Variants in RHBDD1 observed in about 807,000 individuals in gnomAD.
RHBDD1 encodes rhomboid-related protein 4.
Under a neutral mutation model 36.3 loss-of-function variants are expected in RHBDD1, and 38 were observed. The ratio of observed to expected loss-of-function variants is 1.05; its 90% CI spans 0.81 to 1.37. The LOEUF is 1.37. RHBDD1 is among the 40% of genes most tolerant of loss of function. The pLI is 0.00. For missense variants in RHBDD1, 393 were observed against 377.6 expected (o/e 1.04, Z -0.34); for synonymous variants, 151 against 136.5 (o/e 1.11, Z -0.74).
intron 8 of RHBDD1, among the ~76,000 whole-genome samples, chr2:226,977,478 T>G (rs1025421571): frequency 1.3e-5 from 2 of 152,202 alleles, no homozygotes; most frequent in East Asian, 3.8e-4. Flanking sequence ...TATTTTGTGT[T>G]GGAAAGGCGA....
chr2:226,854,804 A>G (rs1042620143), intron 3 of RHBDD1, among the ~76,000 whole-genome samples: 59 of 152,282 alleles, frequency 3.9e-4, no homozygotes, highest in African/African-American at 1.4e-3. Flanking sequence ...AACCATGAAT[A>G]TAGAAAGTCA....
At chr2:226,809,823 TA>T in the RHBDD1 span, among the ~76,000 whole-genome samples, 1 of 152,248 alleles carries the variant, frequency 6.6e-6, no homozygotes, top group Non-Finnish European at 1.5e-5. Context: ...AAAACTATTT[TA>T]AAAGACTAAT....
chr2:226,909,480 A>G (rs574166940), intron 7 of RHBDD1, among the ~76,000 whole-genome samples: 16 of 152,306 alleles, frequency 1.1e-4, no homozygotes, highest in African/African-American at 3.8e-4. Context: ...GGTGTTAGCC[A>G]TGGCCATTGG....
At chr2:226,960,357 C>T (rs1326935960) in intron 8 of RHBDD1, among the ~76,000 whole-genome samples, 3 of 152,150 alleles carry the variant, frequency 2.0e-5, no homozygotes, top group Non-Finnish European at 4.4e-5. Context: ...GTTGATAAGT[C>T]TGTTACTTTG....
At chr2:226,849,477 G>T (rs1942571698) in intron 3 of RHBDD1, among the ~76,000 whole-genome samples, 1 of 152,218 alleles carries the variant, frequency 6.6e-6, no homozygotes, top group East Asian at 1.9e-4. Context: ...GTGGAGGCAG[G>T]TGTGTGTCTC....
intron 5 of RHBDD1, among the ~76,000 whole-genome samples, chr2:226,874,480 C>A (rs1305656264): frequency 1.3e-5 from 2 of 152,306 alleles, no homozygotes; most frequent in East Asian, 3.9e-4. Context: ...GACTCTAGAG[C>A]AGTTTGTAGG....
At chr2:226,891,564 C>T (rs1946690046) in intron 5 of RHBDD1, among the ~76,000 whole-genome samples, 2 of 152,164 alleles carry the variant, frequency 1.3e-5, no homozygotes, top group Admixed American at 1.3e-4. Flanking sequence ...AGTCTGTCTG[C>T]CCAGTTTCAT....
chr2:226,917,229 A>T (rs1195812627), intron 8 of RHBDD1, among the ~76,000 whole-genome samples: 4 of 152,242 alleles, frequency 2.6e-5, no homozygotes, highest in East Asian at 1.9e-4. Flanking sequence ...AAGTCATCTG[A>T]TAGTAGTGTT....
At chr2:226,867,160 T>C in intron 4 of RHBDD1, 26 bp from the exon 5 acceptor site, 2 of 1,575,218 alleles carry the variant, frequency 1.3e-6, no homozygotes, top group Non-Finnish European at 8.6e-7. Context: ...ATTGTTGATA[T>C]TTGCATGTTC....
intron 8 of RHBDD1, among the ~76,000 whole-genome samples, chr2:226,954,247 A>C (rs896810852): frequency 3.3e-5 from 5 of 152,238 alleles, no homozygotes; most frequent in Non-Finnish European, 5.9e-5. Flanking sequence ...GCAGGAAAGA[A>C]GTGATTAATT....
intron 3 of RHBDD1, among the ~76,000 whole-genome samples, chr2:226,861,810 G>A (rs188762397): frequency 1.1e-4 from 16 of 152,336 alleles, no homozygotes; most frequent in Admixed American, 2.6e-4. Context: ...GTTGAAAGTT[G>A]ACTTGAGTTC....
At chr2:226,955,659 G>C (rs1951741089) in intron 8 of RHBDD1, among the ~76,000 whole-genome samples, 1 of 152,188 alleles carries the variant, frequency 6.6e-6, no homozygotes, top group African/African-American at 2.4e-5. Flanking sequence ...CAGGATCAAG[G>C]CACCAGCAGG....
rs906412514 is a variant in RHBDD1, at chr2:226,914,282, A to G, written c.787A>G (p.Thr263Ala). ...TGAAGAAGCACCCAGGAACTATGAC[A>G]CGTACACAGCAGGACTGAGTGAAGA... The part of the protein sequence containing the change: ...HYEEAPRNYD[T>A]YTAGLSEEEQ... The change falls in exon 8 of 9, where the codon ACG becomes GCG. Residue 263 changes from threonine (T) to alanine (A), a missense_variant. Thr to Ala is a moderately conservative substitution (Grantham distance 58, BLOSUM62 0). Transcript: ENST00000392062. 1.2e-6 allele frequency: 2 copies of G among 1,613,750 alleles called. No individual in the cohort carries two copies. Among genetic ancestry groups the G allele is most frequent in the African/African-American group, 2.7e-5 (2 of 74,916 alleles).
chr2:226,859,817 A>G (rs1943680456), intron 3 of RHBDD1, among the ~76,000 whole-genome samples: 1 of 152,188 alleles, frequency 6.6e-6, no homozygotes, highest in Non-Finnish European at 1.5e-5. Flanking sequence ...ATGACAAGCC[A>G]TCAAAGGCTT....
intron 8 of RHBDD1, among the ~76,000 whole-genome samples, chr2:226,978,539 A>G (rs1405852516): frequency 6.6e-6 from 1 of 152,162 alleles, no homozygotes; most frequent in African/African-American, 2.4e-5. Context: ...TGTATAATGA[A>G]GGCAATATTT....
intron 8 of RHBDD1, among the ~76,000 whole-genome samples, chr2:226,946,992 C>G (rs981559518): frequency 4.6e-5 from 7 of 152,198 alleles, no homozygotes; most frequent in African/African-American, 1.4e-4. Context: ...TCAATAGATG[C>G]AGAAAAGGCT....
the RHBDD1 span, among the ~76,000 whole-genome samples, chr2:226,811,647 T>C: frequency 6.6e-6 from 1 of 152,206 alleles, no homozygotes; most frequent in African/African-American, 2.4e-5. Context: ...AAAGACATTA[T>C]TGTAAAGAGT....
At chr2:226,893,398 G>T (rs1946846199) in intron 5 of RHBDD1, among the ~76,000 whole-genome samples, 1 of 152,146 alleles carries the variant, frequency 6.6e-6, no homozygotes, top group Non-Finnish European at 1.5e-5. Context: ...CATTTTTCAT[G>T]TGCCAAGTCG....
intron 7 of RHBDD1, among the ~76,000 whole-genome samples, 200 bp from the exon 8 acceptor site, chr2:226,914,008 C>T (rs1359396447): frequency 6.6e-6 from 1 of 152,188 alleles, no homozygotes; most frequent in African/African-American, 2.4e-5. Flanking sequence ...CATAAGGACT[C>T]ATTCATGTTC....
Sources: gnomAD v4.1 joint callset for allele counts (sites outside exome capture counted in the v4.1 genomes callset) on GRCh38, gnomAD v4.1.1 for gene constraint, MANE v1.5 for transcripts, NCBI Gene and HGNC (gene_info 2026-07-23, HGNC 2026-07-21) for gene names.